The following GPR137C variants were observed in gnomAD, a reference collection of about 807,000 sequenced individuals.
GPR137C encodes integral membrane protein GPR137C.
A neutral mutation model predicts 43.4 loss-of-function variants in GPR137C; 27 were observed. The observed-to-expected ratio is 0.62, with a 90% CI of 0.46 to 0.86. The LOEUF (loss-of-function observed/expected upper bound fraction) is 0.86, where lower values mean the gene tolerates loss of function less well. Among genes scored for constraint, GPR137C ranks in the 40% least tolerant of loss-of-function variants. The pLI is 0.00. For synonymous variants in GPR137C, 285 were observed against 226.9 expected, an observed-to-expected ratio of 1.26 and a Z score of -2.30; for missense variants, 522 against 534.6, an observed-to-expected ratio of 0.98 and a Z score of 0.23.
chr14:52,577,050 C>T (rs1010816095), intron 1 of GPR137C, among the ~76,000 whole-genome samples: 2 of 96,364 alleles, frequency 2.1e-5, no homozygotes, highest in Non-Finnish European at 3.9e-5. Flanking sequence ...ACTAGCCAGG[C>T]GTGGTGCTGT....
chr14:52,572,751 A>G (rs1368905016), intron 1 of GPR137C, among the ~76,000 whole-genome samples: 2 of 152,190 alleles, frequency 1.3e-5, no homozygotes, highest in East Asian at 1.9e-4. Flanking sequence ...GGCCAGGACA[A>G]TCAGCCAAGA....
At chr14:52,608,791 G>T (rs2039009099) in intron 3 of GPR137C, among the ~76,000 whole-genome samples, 1 of 151,764 alleles carries the variant, frequency 6.6e-6, no homozygotes, top group South Asian at 2.1e-4. Flanking sequence ...TGAGAAGTCT[G>T]CTGCCAGGTG....
chr14:52,570,523 A>T (rs2038449337), intron 1 of GPR137C, among the ~76,000 whole-genome samples: 1 of 152,198 alleles, frequency 6.6e-6, no homozygotes, highest in Admixed American at 6.5e-5. Context: ...AAACGGGCTA[A>T]ATTACCCAAT....
chr14:52,591,266 A>G (rs1317161731), intron 1 of GPR137C, among the ~76,000 whole-genome samples: 1 of 152,094 alleles, frequency 6.6e-6, no homozygotes, highest in Non-Finnish European at 1.5e-5. Flanking sequence ...AGTCTTTACT[A>G]TTGTGAATAG....
At chr14:52,597,158 C>T (rs748558212) in intron 1 of GPR137C, among the ~76,000 whole-genome samples, 50 of 152,282 alleles carry the variant, frequency 3.3e-4, no homozygotes, top group Non-Finnish European at 6.2e-4. Flanking sequence ...TCCTCCCTGA[C>T]GCTCCAGACA....
At chr14:52,562,148 C>A (rs924233870) in intron 1 of GPR137C, among the ~76,000 whole-genome samples, 5 of 150,900 alleles carry the variant, frequency 3.3e-5, no homozygotes, top group Admixed American at 3.3e-4. Context: ...GGAGATGAAT[C>A]TTAAGAGTAA....
At position 52,625,352 on chromosome 14, in the gene GPR137C, C is replaced by T. The variant is rs181624385; in HGVS notation, c.718-6808C>T. On this transcript the variant is annotated intron_variant, in intron 3 of 6. Transcript: ENST00000321662. ...CAAAAATGAGCCAGGCGTGGTGGCG[C>T]GCACCTGTACTCGCTTCTACTCGGG... is the stretch of plus-strand genomic sequence containing the variant. 2.9e-3 allele frequency among the ~76,000 whole-genome samples: 445 copies of T among 150,850 alleles called. 8 individuals are homozygous for T. The highest frequency in any genetic ancestry group is 0.021 in the Admixed American group (318 of 15,148).
intron 1 of GPR137C, among the ~76,000 whole-genome samples, chr14:52,577,869 G>A (rs2038586422): frequency 1.3e-5 from 2 of 151,824 alleles, no homozygotes; most frequent in Non-Finnish European, 2.9e-5. Flanking sequence ...TGAGGCTGAG[G>A]TGGGAGGATC....
At chr14:52,568,675 C>T (rs1296616632) in intron 1 of GPR137C, among the ~76,000 whole-genome samples, 1 of 152,208 alleles carries the variant, frequency 6.6e-6, no homozygotes, top group African/African-American at 2.4e-5. Flanking sequence ...ACAAAGCCAC[C>T]TGGAAGTTAG....
chr14:52,566,107 A>G (rs1255398070), intron 1 of GPR137C, among the ~76,000 whole-genome samples: 1 of 152,220 alleles, frequency 6.6e-6, no homozygotes, highest in Non-Finnish European at 1.5e-5. Flanking sequence ...AAACAGAGTT[A>G]TACATAACAC....
At chr14:52,558,482 T>G (rs910519491) in intron 1 of GPR137C, among the ~76,000 whole-genome samples, 2 of 152,164 alleles carry the variant, frequency 1.3e-5, no homozygotes, top group African/African-American at 2.4e-5. Context: ...AGGAGCAGAC[T>G]GGGGGGTTTC....
At chr14:52,625,353 G>A (rs1025311986) in intron 3 of GPR137C, among the ~76,000 whole-genome samples, 38 of 151,170 alleles carry the variant, frequency 2.5e-4, no homozygotes, top group Non-Finnish European at 4.4e-4. Flanking sequence ...GTGGTGGCGC[G>A]CACCTGTACT....
chr14:52,622,097 T>A (rs1201508647), intron 3 of GPR137C, among the ~76,000 whole-genome samples: 3 of 151,994 alleles, frequency 2.0e-5, no homozygotes, highest in African/African-American at 7.2e-5. Flanking sequence ...GTATGTTGTT[T>A]AGGTTGAAGC....
At chr14:52,598,499 G>A (rs185337518) in intron 2 of GPR137C, among the ~76,000 whole-genome samples, 184 bp downstream of exon 2, 2 of 152,058 alleles carry the variant, frequency 1.3e-5, no homozygotes, top group Non-Finnish European at 1.5e-5. Flanking sequence ...TTGGTTCAAA[G>A]GAATCAAATT....
chr14:52,565,842 A>G (rs1428655515), intron 1 of GPR137C, among the ~76,000 whole-genome samples: 1 of 152,226 alleles, frequency 6.6e-6, no homozygotes, highest in Admixed American at 6.5e-5. Context: ...TGAACAAGGA[A>G]TCTGGGAACC....
At chr14:52,603,954 C>T (rs1041845185) in intron 3 of GPR137C, among the ~76,000 whole-genome samples, 2 of 152,164 alleles carry the variant, frequency 1.3e-5, no homozygotes, top group South Asian at 2.1e-4. Flanking sequence ...TGATAATAAC[C>T]ATTCTAACTA....
At chr14:52,583,790 GA>G (rs2038678901) in intron 1 of GPR137C, among the ~76,000 whole-genome samples, 1 of 152,036 alleles carries the variant, frequency 6.6e-6, no homozygotes, top group Non-Finnish European at 1.5e-5. Flanking sequence ...GGTTTCCTGT[GA>G]TATATGATCT....
chr14:52,581,247 C>T (rs141909049), intron 1 of GPR137C, among the ~76,000 whole-genome samples: 2 of 144,410 alleles, frequency 1.4e-5, no homozygotes, highest in East Asian at 4.1e-4. Flanking sequence ...AGAAGGTGAA[C>T]ATCTGGCCGG....
chr14:52,587,239 GAAAT>G (rs937071749), intron 1 of GPR137C, among the ~76,000 whole-genome samples: 5 of 152,116 alleles, frequency 3.3e-5, no homozygotes, highest in East Asian at 1.9e-4. Flanking sequence ...TCTTAAGAGA[GAAAT>G]AAATATGTAA....
Sources: allele counts gnomAD v4.1 joint callset (sites outside exome capture counted in the v4.1 genomes callset), GRCh38; gene constraint gnomAD v4.1.1; transcripts MANE v1.5; gene names NCBI Gene and HGNC (gene_info 2026-07-23, HGNC 2026-07-21).